CPED1: variants seen among roughly 807,000 people sequenced by gnomAD.
The protein encoded by CPED1 is cadherin-like and PC-esterase domain-containing protein 1.
Under a neutral mutation model 128.2 loss-of-function variants are expected in CPED1, and 114 were observed. The observed-to-expected ratio is 0.89, with a 90% CI of 0.76 to 1.04. The LOEUF is 1.04. CPED1 is among the 50% of genes least tolerant of loss of function. The pLI is 0.00. For missense variants in CPED1, 1,211 were observed against 1,207.1 expected, an observed-to-expected ratio of 1.00 and a Z score of -0.05; for synonymous variants, 462 against 426.7, an observed-to-expected ratio of 1.08 and a Z score of -1.02.
At chr7:121,236,548 C>A (rs1248512720) in intron 16 of CPED1, among the ~76,000 whole-genome samples, 166 bp from the exon 17 acceptor site, 3 of 152,152 alleles carry the variant, frequency 2.0e-5, no homozygotes, top group Non-Finnish European at 4.4e-5. Flanking sequence ...TTGTTATCTA[C>A]TTCTAGCACA....
At chr7:121,004,328 G>A (rs963944894) in intron 2 of CPED1, among the ~76,000 whole-genome samples, 3 of 152,160 alleles carry the variant, frequency 2.0e-5, no homozygotes, top group Admixed American at 1.3e-4. Context: ...CCTCCTCCAG[G>A]GGGTATAAAT....
chr7:121,257,511 AT>A (rs538720133), intron 18 of CPED1, among the ~76,000 whole-genome samples: 5 of 150,552 alleles, frequency 3.3e-5, no homozygotes, highest in East Asian at 2.0e-4. Context: ...TGAGAAAGAT[AT>A]TTTTTTTTTA....
chr7:121,201,776 C>T (rs1345909323), intron 16 of CPED1, among the ~76,000 whole-genome samples: 1 of 152,094 alleles, frequency 6.6e-6, no homozygotes, highest in Non-Finnish European at 1.5e-5. Context: ...CTCTCCTCTA[C>T]ACCTAATCTG....
chr7:121,280,649 T>G (rs1318260351), intron 22 of CPED1, among the ~76,000 whole-genome samples: 1 of 152,240 alleles, frequency 6.6e-6, no homozygotes, highest in African/African-American at 2.4e-5. Context: ...AAAACACAGT[T>G]TATTTCATGT....
chr7:121,241,024 G>A (rs1343190080), intron 17 of CPED1, among the ~76,000 whole-genome samples: 1 of 152,092 alleles, frequency 6.6e-6, no homozygotes, highest in Non-Finnish European at 1.5e-5. Context: ...GAATTAGAAA[G>A]CAAGATATAT....
intron 3 of CPED1, among the ~76,000 whole-genome samples, chr7:121,037,194 TG>T (rs1792918658): frequency 6.6e-6 from 1 of 152,194 alleles, no homozygotes; most frequent in Non-Finnish European, 1.5e-5. Flanking sequence ...TTTGGGTTTT[TG>T]GTCATGAAGT....
intron 2 of CPED1, among the ~76,000 whole-genome samples, chr7:120,992,091 G>C (rs1323485046): frequency 6.6e-6 from 1 of 152,064 alleles, no homozygotes; most frequent in Non-Finnish European, 1.5e-5. Context: ...TACTCTTTCA[G>C]ATGGCTAAAA....
At chr7:121,257,826 T>C (rs771501053) in intron 18 of CPED1, among the ~76,000 whole-genome samples, 8 of 151,992 alleles carry the variant, frequency 5.3e-5, no homozygotes, top group Non-Finnish European at 1.0e-4. Flanking sequence ...CAAAGACAAA[T>C]AAATGTTAAA....
chr7:121,026,355 A>C (rs931043376), intron 3 of CPED1, among the ~76,000 whole-genome samples: 8 of 152,138 alleles, frequency 5.3e-5, no homozygotes, highest in Non-Finnish European at 1.2e-4. Context: ...TAAAATGTGC[A>C]TCTGCTCTGC....
At chr7:121,065,733 ATCT>A (rs901788546) in intron 5 of CPED1, among the ~76,000 whole-genome samples, 69 of 152,110 alleles carry the variant, frequency 4.5e-4, no homozygotes, top group African/African-American at 1.6e-3. Context: ...AGTATTTTCT[ATCT>A]TCTTTTGCTT....
Position 121,178,921 on chromosome 7 carries a change from G to T in CPED1, c.2055+36780G>T, listed in dbSNP as rs140336023. Among the ~76,000 whole-genome samples, 883 of 152,148 alleles carry T rather than the reference G, an allele frequency of 5.8e-3. 7 individuals are homozygous for T. Among genetic ancestry groups the T allele is most frequent in the Admixed American group, 8.7e-3 (133 of 15,252 alleles). On this transcript the variant is annotated intron_variant, in intron 16 of 22. Transcript: ENST00000310396. ...TAAATGTGATAACTTTGTGAAGCCA[G>T]GTGAGACTACCTAAAGAACAGGATG...
intron 16 of CPED1, among the ~76,000 whole-genome samples, chr7:121,162,920 G>T (rs1053839652): frequency 7.9e-5 from 12 of 152,324 alleles, no homozygotes; most frequent in East Asian, 3.9e-4. Flanking sequence ...TTAAGCCAAT[G>T]AAGTCTAACC....
At chr7:121,065,032 T>C (rs914567473) in intron 5 of CPED1, among the ~76,000 whole-genome samples, 3 of 152,194 alleles carry the variant, frequency 2.0e-5, no homozygotes, top group African/African-American at 4.8e-5. Context: ...TACATAGCTT[T>C]AATTTTGTTT....
chr7:121,067,284 G>A (rs998815163), intron 5 of CPED1, among the ~76,000 whole-genome samples: 2 of 150,690 alleles, frequency 1.3e-5, no homozygotes, highest in African/African-American at 2.5e-5. Context: ...CCCACAACAG[G>A]CCCTGGTGTG....
chr7:121,188,661 A>G (rs1797058330), intron 16 of CPED1, among the ~76,000 whole-genome samples: 1 of 152,162 alleles, frequency 6.6e-6, no homozygotes, highest in African/African-American at 2.4e-5. Flanking sequence ...AGAATCAGAA[A>G]AGGAAACTTA....
chr7:121,086,055 G>A (rs1449320718), intron 5 of CPED1, among the ~76,000 whole-genome samples: 1 of 152,188 alleles, frequency 6.6e-6, no homozygotes, highest in Non-Finnish European at 1.5e-5. Flanking sequence ...GGAGGAAGAT[G>A]ACATGGTTGA....
rs931240963 is a variant in CPED1, at chr7:120,989,576, A to T, written c.-46A>T. 6 of 1,601,370 alleles carry T rather than the reference A, an allele frequency of 3.7e-6. No individual in the cohort carries two copies. The highest frequency in any genetic ancestry group is 1.8e-5 in the Admixed American group (1 of 56,628). ...ATGCTGACAAAAAATAGCTGCTATG[A>T]CTTTTCCCGCAACGTGGACAGGGGC... is the stretch of plus-strand genomic sequence containing the variant. On this transcript the variant is annotated 5_prime_UTR_variant, in exon 2 of 23. Coordinates refer to ENST00000310396, the MANE Select transcript of CPED1 (RefSeq NM_024913.5).
chr7:121,206,113 A>G (rs901914725), intron 16 of CPED1, among the ~76,000 whole-genome samples: 1 of 152,068 alleles, frequency 6.6e-6, no homozygotes, highest in Non-Finnish European at 1.5e-5. Flanking sequence ...AAGAGTTTCA[A>G]CTGCTAAAGA....
intron 2 of CPED1, among the ~76,000 whole-genome samples, chr7:121,014,549 CAAA>C (rs34128129): frequency 8.5e-6 from 1 of 117,202 alleles, no homozygotes; most frequent in Non-Finnish European, 1.8e-5. Context: ...GACTTTGTCT[CAAA>C]AAAAAAAAAT....
Sources: gnomAD v4.1 joint callset for allele counts (sites outside exome capture counted in the v4.1 genomes callset) on GRCh38, gnomAD v4.1.1 for gene constraint, MANE v1.5 for transcripts, NCBI Gene and HGNC (gene_info 2026-07-23, HGNC 2026-07-21) for gene names.